MAML2: variants seen among roughly 807,000 people sequenced by gnomAD.
MAML2 encodes mastermind-like protein 2.
Under a neutral mutation model 96.1 loss-of-function variants are expected in MAML2, and 22 were observed. That is an observed-to-expected ratio of 0.23 (90% CI 0.16 to 0.33). The LOEUF (loss-of-function observed/expected upper bound fraction) is 0.33, where lower values mean the gene tolerates loss of function less well. Among genes scored for constraint, MAML2 ranks in the 10% least tolerant of loss-of-function variants. The pLI is 1.00. For synonymous variants in MAML2, 561 were observed against 521.3 expected (o/e 1.08, Z -1.04); for missense variants, 1,367 against 1,392.4 (o/e 0.98, Z 0.29).
intron 1 of MAML2, among the ~76,000 whole-genome samples, chr11:96,193,825 T>C (rs964068522): frequency 2.6e-5 from 4 of 152,250 alleles, no homozygotes; most frequent in African/African-American, 9.6e-5. Context: ...CTGTGTATAC[T>C]ACTTTGACCT....
At chr11:96,003,225 T>C (rs1409215090) in intron 2 of MAML2, among the ~76,000 whole-genome samples, 1 of 151,962 alleles carries the variant, frequency 6.6e-6, no homozygotes, top group African/African-American at 2.4e-5. Flanking sequence ...AGGAAGATGA[T>C]GTGCATGTGT....
At chr11:96,102,739 T>C (rs149788552) in intron 1 of MAML2, among the ~76,000 whole-genome samples, 1 of 152,168 alleles carries the variant, frequency 6.6e-6, no homozygotes, top group African/African-American at 2.4e-5. Context: ...TCCTGACTAG[T>C]TACTGCAATT....
chr11:96,213,867 G>T (rs1404381777), intron 1 of MAML2, among the ~76,000 whole-genome samples: 2 of 152,158 alleles, frequency 1.3e-5, no homozygotes, highest in African/African-American at 2.4e-5. Flanking sequence ...CTTAAAAGTG[G>T]TCGGTTCCCT....
chr11:96,058,460 C>T (rs1436361826), intron 2 of MAML2, among the ~76,000 whole-genome samples: 10 of 152,142 alleles, frequency 6.6e-5, no homozygotes, highest in South Asian at 4.1e-4. Flanking sequence ...ACTGGGACTA[C>T]GGGCATGCGC....
Position 96,070,073 on chromosome 11 carries a change from C to T in MAML2, c.2139+21819G>A, listed in dbSNP as rs564157337. ...TAAGGAGGCCAAGGCAGGTGGATCA[C>T]GAGGTCAGGAGATCGAGACCATCCT... is the stretch of plus-strand genomic sequence containing the variant. On this transcript the variant is annotated intron_variant, in intron 2 of 4. Transcript: ENST00000524717. 4.6e-5 allele frequency among the ~76,000 whole-genome samples: 7 copies of T among 151,322 alleles called. No individual in the cohort carries two copies. The South Asian group carries it at 8.4e-4, about 18-fold the overall frequency.
chr11:96,309,887 G>C (rs1252443010), intron 1 of MAML2, among the ~76,000 whole-genome samples: 1 of 151,648 alleles, frequency 6.6e-6, no homozygotes, highest in Non-Finnish European at 1.5e-5. Flanking sequence ...TTTTTTTGTA[G>C]AGATGGGTTT....
chr11:96,155,241 C>T (rs1860991419), intron 1 of MAML2, among the ~76,000 whole-genome samples: 1 of 151,898 alleles, frequency 6.6e-6, no homozygotes, highest in Admixed American at 6.6e-5. Flanking sequence ...CCCTTCCAAA[C>T]TTCAAGAAAG....
chr11:96,258,714 C>T (rs1217395406), intron 1 of MAML2, among the ~76,000 whole-genome samples: 1 of 152,196 alleles, frequency 6.6e-6, no homozygotes, highest in Non-Finnish European at 1.5e-5. Context: ...TCAGCAGATT[C>T]TAAATCACCT....
chr11:96,193,019 T>C (rs990735529), intron 1 of MAML2, among the ~76,000 whole-genome samples: 1 of 152,224 alleles, frequency 6.6e-6, no homozygotes, highest in African/African-American at 2.4e-5. Context: ...CCCAAATAAG[T>C]GGTTCAGGAA....
At chr11:96,043,774 T>A (rs1456879902) in intron 2 of MAML2, among the ~76,000 whole-genome samples, 2 of 152,220 alleles carry the variant, frequency 1.3e-5, no homozygotes, top group African/African-American at 4.8e-5. Flanking sequence ...GAGGTGACTA[T>A]GGGGCAGTGT....
At chr11:96,288,493 G>T (rs942069586) in intron 1 of MAML2, among the ~76,000 whole-genome samples, 14 of 146,552 alleles carry the variant, frequency 9.6e-5, no homozygotes, top group African/African-American at 3.6e-4. Context: ...AGTGAGCCAA[G>T]ATCGTGCCCT....
At chr11:96,166,904 C>T (rs529395667) in intron 1 of MAML2, among the ~76,000 whole-genome samples, 1 of 152,244 alleles carries the variant, frequency 6.6e-6, no homozygotes. Flanking sequence ...CATTCTTAGT[C>T]CTCTCTCTTC....
rs575034506 is a variant in MAML2, at chr11:96,191,233, A to C, written c.514-97716T>G. 2.0e-5 allele frequency among the ~76,000 whole-genome samples: 3 copies of C among 152,304 alleles called. No homozygotes were observed. The South Asian group carries it at 6.2e-4, about 32-fold the overall frequency. On this transcript the variant is annotated intron_variant, in intron 1 of 4. Coordinates refer to ENST00000524717, the MANE Select transcript of MAML2 (RefSeq NM_032427.4). ...GTAATCCCAGCACTTTGGGAGGCTG[A>C]AGCGGGTGGATCACAAGGTCAAGAG...
At chr11:96,017,681 A>G (rs1334247153) in intron 2 of MAML2, among the ~76,000 whole-genome samples, 3 of 152,082 alleles carry the variant, frequency 2.0e-5, no homozygotes, top group African/African-American at 7.2e-5. Flanking sequence ...ATGACATTGG[A>G]CCTGGAAGAA....
chr11:96,100,694 G>A (rs1040823903), intron 1 of MAML2, among the ~76,000 whole-genome samples: 2 of 150,550 alleles, frequency 1.3e-5, no homozygotes, highest in African/African-American at 4.9e-5. Context: ...TGTTCCATAA[G>A]GTTTGGACCC....
chr11:96,252,429 T>TTC (rs947655109), intron 1 of MAML2, among the ~76,000 whole-genome samples: 8 of 146,808 alleles, frequency 5.4e-5, no homozygotes, highest in South Asian at 4.6e-4. Context: ...CTAACTCTTT[T>TTC]TTTTTTTTTT....
chr11:96,050,098 C>A (rs1469847986), intron 2 of MAML2, among the ~76,000 whole-genome samples: 1 of 152,118 alleles, frequency 6.6e-6, no homozygotes, highest in African/African-American at 2.4e-5. Context: ...CAAAACAACC[C>A]AGTAAGGAAG....
intron 1 of MAML2, among the ~76,000 whole-genome samples, chr11:96,107,106 G>A (rs1431199195): frequency 6.7e-6 from 1 of 149,302 alleles, no homozygotes; most frequent in Non-Finnish European, 1.5e-5. Flanking sequence ...TCTGTTCATG[G>A]TTTGATTTCT....
chr11:96,070,511 T>G (rs944637539), intron 2 of MAML2, among the ~76,000 whole-genome samples: 1 of 152,206 alleles, frequency 6.6e-6, no homozygotes, highest in African/African-American at 2.4e-5. Flanking sequence ...TGTTCCCTGG[T>G]GCTAGCCAGG....
Sources: allele counts gnomAD v4.1 joint callset (sites outside exome capture counted in the v4.1 genomes callset), GRCh38; gene constraint gnomAD v4.1.1; transcripts MANE v1.5; gene names NCBI Gene and HGNC (gene_info 2026-07-23, HGNC 2026-07-21).